CSMD1: variants seen among roughly 807,000 people sequenced by gnomAD.
CSMD1 encodes the protein CUB and sushi domain-containing protein 1.
CSMD1 carries 213 observed loss-of-function variants against 417.5 expected under a neutral mutation model. That is an observed-to-expected ratio of 0.51 (90% confidence interval 0.46 to 0.57). The LOEUF is 0.57. Among genes scored for constraint, CSMD1 ranks in the 20% least tolerant of loss-of-function variants. CSMD1 has a pLI of 0.00. For missense variants in CSMD1, 6,923 were observed against 4,529.7 expected (o/e 1.53, Z -15.17); for synonymous variants, 2,862 against 1,736.8 (o/e 1.65, Z -16.11).
chr8:4,411,791 C>T (rs943591981), intron 3 of CSMD1, among the ~76,000 whole-genome samples: 3 of 152,096 alleles, frequency 2.0e-5, no homozygotes, highest in East Asian at 1.9e-4. Flanking sequence ...AATGGAATCA[C>T]GTGGCATATG....
intron 8 of CSMD1, among the ~76,000 whole-genome samples, chr8:3,606,291 A>C (rs1801609857): frequency 6.6e-6 from 1 of 152,070 alleles, no homozygotes; most frequent in Non-Finnish European, 1.5e-5. Context: ...GAGGGCCCTT[A>C]CACCCACCCA....
chr8:4,592,353 A>T (rs571502906), intron 2 of CSMD1, among the ~76,000 whole-genome samples: 4 of 151,998 alleles, frequency 2.6e-5, no homozygotes, highest in African/African-American at 7.2e-5. Context: ...CAAATATTTT[A>T]AAAAATATAC....
At chr8:3,788,274 C>T (rs1312774354) in intron 5 of CSMD1, among the ~76,000 whole-genome samples, 3 of 152,140 alleles carry the variant, frequency 2.0e-5, no homozygotes, top group East Asian at 3.9e-4. Context: ...AGTTTTCTTT[C>T]TTAAGGAACT....
At chr8:4,527,601 G>A (rs1470379609) in intron 2 of CSMD1, among the ~76,000 whole-genome samples, 1 of 152,100 alleles carries the variant, frequency 6.6e-6, no homozygotes, top group Admixed American at 6.5e-5. Context: ...TAAGAAGTTG[G>A]TAGGGCCCCA....
intron 3 of CSMD1, among the ~76,000 whole-genome samples, chr8:4,281,399 A>T (rs979246725): frequency 6.6e-6 from 1 of 152,200 alleles, no homozygotes; most frequent in Non-Finnish European, 1.5e-5. Context: ...ACCAAAAAAC[A>T]GCTTTAAATT....
chr8:3,533,467 A>G (rs1481320661), intron 10 of CSMD1, among the ~76,000 whole-genome samples: 1 of 152,154 alleles, frequency 6.6e-6, no homozygotes, highest in East Asian at 1.9e-4. Context: ...TCCTCATGTA[A>G]GTGGAATCAT....
intron 50 of CSMD1, among the ~76,000 whole-genome samples, chr8:3,047,911 G>A (rs1483247088): frequency 2.0e-5 from 3 of 152,154 alleles, no homozygotes; most frequent in Non-Finnish European, 1.5e-5. Context: ...TGTTTATGCC[G>A]TGAAGGCATT....
intron 54 of CSMD1, among the ~76,000 whole-genome samples, chr8:2,996,983 A>T (rs583715): frequency 0.13 from 20,472 of 152,196 alleles, 1,558 homozygotes; most frequent in African/African-American, 0.2. Context: ...GGGGCTGACC[A>T]ATGTCCCTGG....
At chr8:3,246,040 G>A (rs1419087531) in intron 26 of CSMD1, among the ~76,000 whole-genome samples, 4 of 152,060 alleles carry the variant, frequency 2.6e-5, no homozygotes, top group African/African-American at 7.2e-5. Flanking sequence ...GCACTTGCCC[G>A]AACTTCCTTC....
intron 3 of CSMD1, among the ~76,000 whole-genome samples, chr8:4,320,977 A>C (rs987114907): frequency 6.6e-6 from 1 of 152,206 alleles, no homozygotes; most frequent in African/African-American, 2.4e-5. Context: ...CAGTTTCAGC[A>C]TTGCCTCCTT....
chr8:4,680,704 C>T (rs538215894), intron 1 of CSMD1, among the ~76,000 whole-genome samples: 16 of 152,136 alleles, frequency 1.1e-4, no homozygotes, highest in Admixed American at 3.3e-4. Flanking sequence ...CTCAGCCTCC[C>T]GAGTAGCTGG....
At chr8:3,847,335 A>C (rs903045475) in intron 5 of CSMD1, among the ~76,000 whole-genome samples, 1 of 152,178 alleles carries the variant, frequency 6.6e-6, no homozygotes, top group South Asian at 2.1e-4. Context: ...AACCCTTAAA[A>C]GTGTTCCAAG....
intron 7 of CSMD1, among the ~76,000 whole-genome samples, chr8:3,699,812 G>T (rs876061): frequency 0.33 from 49,589 of 151,476 alleles, 8,537 homozygotes; most frequent in East Asian, 0.5. Context: ...TCTAATTGAA[G>T]AAAAACATGA....
At chr8:3,259,181 C>T (rs1225697387) in intron 26 of CSMD1, among the ~76,000 whole-genome samples, 2 of 152,220 alleles carry the variant, frequency 1.3e-5, no homozygotes, top group Non-Finnish European at 2.9e-5. Flanking sequence ...AGTATGGACT[C>T]ATATTCCAGG....
chr8:3,600,592 C>T (rs76357750), intron 8 of CSMD1, among the ~76,000 whole-genome samples: 3,354 of 152,208 alleles, frequency 0.022, 67 homozygotes, highest in Non-Finnish European at 0.033. Flanking sequence ...ATATTCTCTA[C>T]GATGGCAAGC....
chr8:4,296,701 T>TC (rs1402652567), intron 3 of CSMD1, among the ~76,000 whole-genome samples: 1 of 149,222 alleles, frequency 6.7e-6, no homozygotes, highest in East Asian at 2.0e-4. Context: ...TAAGGGTTTT[T>TC]TTTTTTTTTT....
At chr8:4,640,015 G>A (rs7814842) in intron 1 of CSMD1, among the ~76,000 whole-genome samples, 2 of 152,112 alleles carry the variant, frequency 1.3e-5, no homozygotes, top group South Asian at 4.1e-4. Context: ...AAAAAGGGAA[G>A]ACTTGATTAT....
chr8:3,721,477 T>C (rs1802171715), intron 6 of CSMD1, among the ~76,000 whole-genome samples: 1 of 152,182 alleles, frequency 6.6e-6, no homozygotes, highest in East Asian at 1.9e-4. Context: ...TAGTTTAACA[T>C]CGGTCACTAA....
At chr8:2,987,466 T>C (rs912913751) in intron 54 of CSMD1, among the ~76,000 whole-genome samples, 9 of 149,526 alleles carry the variant, frequency 6.0e-5, no homozygotes, top group Non-Finnish European at 1.2e-4. Flanking sequence ...TATTTCTATA[T>C]ATATAAGAAA....
Sources: gnomAD v4.1 joint callset for allele counts (sites outside exome capture counted in the v4.1 genomes callset) on GRCh38, gnomAD v4.1.1 for gene constraint, MANE v1.5 for transcripts, NCBI Gene and HGNC (gene_info 2026-07-23, HGNC 2026-07-21) for gene names.